USP45: variants seen among roughly 807,000 people sequenced by gnomAD.
USP45 encodes the protein ubiquitin specific peptidase 45, also known as ubiquitin carboxyl-terminal hydrolase 45.
USP45 carries 89 observed loss-of-function variants against 95.8 expected under a neutral mutation model. That is an observed-to-expected ratio of 0.93 (90% confidence interval 0.78 to 1.11). USP45 has a LOEUF of 1.11. Among genes scored for constraint, USP45 ranks in the 50% least tolerant of loss-of-function variants. The pLI, the probability that USP45 is intolerant of heterozygous loss-of-function variation, is 0.00. For missense variants in USP45, 898 were observed against 942.5 expected (o/e 0.95, Z 0.62); for synonymous variants, 281 against 316.2 (o/e 0.89, Z 1.18).
At chr6:99,438,683 T>C (rs183373693) in intron 16 of USP45, among the ~76,000 whole-genome samples, 1 of 152,288 alleles carries the variant, frequency 6.6e-6, no homozygotes, top group East Asian at 1.9e-4. Flanking sequence ...ATTGTGGTTA[T>C]GTTAAAAAGT....
chr6:99,447,197 G>T (rs1418888842), intron 13 of USP45, among the ~76,000 whole-genome samples: 1 of 152,102 alleles, frequency 6.6e-6, no homozygotes, highest in Non-Finnish European at 1.5e-5. Flanking sequence ...TGGGAAGGGG[G>T]GAATCAACTA....
At position 99,507,419 on chromosome 6, in the gene USP45, T is replaced by A; in HGVS notation, c.377+9A>T. The A allele has an allele frequency of 6.4e-7, 1 of 1,571,552 alleles. No homozygotes were observed. Among genetic ancestry groups the A allele is most frequent in the Non-Finnish European group, 8.7e-7 (1 of 1,154,524 alleles). ...TAGTGGACACAAGAACTAACAAAATTTAACTTACCATATAATCCATGTGCT... is the reference window on the plus strand; with the variant it reads ...TAGTGGACACAAGAACTAACAAAATATAACTTACCATATAATCCATGTGCT... On this transcript the variant is annotated intron_variant, in intron 4 of 17. Coordinates refer to ENST00000500704, the MANE Select transcript of USP45 (RefSeq NM_001346022.3).
At chr6:99,509,147 G>A (rs1394600042) in intron 2 of USP45, among the ~76,000 whole-genome samples, 2 of 152,178 alleles carry the variant, frequency 1.3e-5, no homozygotes, top group East Asian at 3.9e-4. Context: ...TTGCTGCACT[G>A]AAGGATGTCT....
intron 10 of USP45, 95 bp from the exon 11 acceptor site, chr6:99,466,858 T>A: frequency 1.2e-6 from 1 of 823,358 alleles, no homozygotes. Context: ...GTAATCTGAA[T>A]AAGATATTCT....
intron 14 of USP45, among the ~76,000 whole-genome samples, chr6:99,444,802 GGTGCTTCCCT>G (rs1782174857): frequency 6.6e-6 from 1 of 152,130 alleles, no homozygotes; most frequent in Non-Finnish European, 1.5e-5. Context: ...GACTGACGCT[GGTGCTTCCCT>G]GTGTGGTCCT....
Position 99,451,055 on chromosome 6 carries a change from A to T in USP45, c.1309-4592T>A, listed in dbSNP as rs896331609. ...TATCTCAAAATAATAAGAGCTATCTATGACAAACCCACAGCCAATATCATA... is the reference window on the plus strand; with the variant it reads ...TATCTCAAAATAATAAGAGCTATCTTTGACAAACCCACAGCCAATATCATA... On this transcript the variant is annotated intron_variant, in intron 13 of 17. Coordinates refer to ENST00000500704, the MANE Select transcript of USP45 (RefSeq NM_001346022.3). Among the ~76,000 whole-genome samples, 6 of 152,346 alleles carry T rather than the reference A, an allele frequency of 3.9e-5. No individual in the cohort carries two copies. The East Asian group carries it at 9.6e-4, about 24-fold the overall frequency.
intron 15 of USP45, among the ~76,000 whole-genome samples, chr6:99,440,368 C>A (rs9373160): frequency 0.62 from 94,824 of 152,034 alleles, 30,052 homozygotes; most frequent in East Asian, 0.89. Context: ...TATATTACAT[C>A]AATAAAATTG....
chr6:99,507,768 T>A (rs938860296), intron 3 of USP45, among the ~76,000 whole-genome samples: 1 of 152,226 alleles, frequency 6.6e-6, no homozygotes, highest in African/African-American at 2.4e-5. Flanking sequence ...AATTTCCCTA[T>A]CATTTAAAAA....
In USP45 at chr6:99,443,034, A is replaced by G. The variant is rs1781818982; in HGVS notation, c.2073+531T>C. 1.3e-5 allele frequency among the ~76,000 whole-genome samples: 2 copies of G among 152,186 alleles called. 1 individual carries two copies. The highest frequency in any genetic ancestry group is 2.9e-5 in the Non-Finnish European group (2 of 68,024). On this transcript the variant is annotated intron_variant, in intron 15 of 17. Coordinates refer to ENST00000500704, the MANE Select transcript of USP45 (RefSeq NM_001346022.3). ...GGAGTTCGAAACCAGCCTGGCCAACATGGTGAAATCCTATTTCTACTAAAA... is the reference window on the plus strand; with the variant it reads ...GGAGTTCGAAACCAGCCTGGCCAACGTGGTGAAATCCTATTTCTACTAAAA...
In USP45 at chr6:99,460,680, A is replaced by G. The variant is rs1786219101; in HGVS notation, c.1308+3924T>C. 6.9e-6 allele frequency: 4 copies of G among 579,026 alleles called. No individual in the cohort carries two copies. The South Asian group carries it at 3.1e-4, about 45-fold the overall frequency. The allele number at this position is 579,026 out of a possible 1,614,324, so 35.9% of individuals were successfully genotyped here. A position where few individuals can be genotyped will look rare whatever the true frequency, so the allele number is the denominator to read the frequency against. ...GTAACTACACAGTATTCTTTTGGTGACTGGTCTGATTGGTAAAATAATAGA... is the reference window on the plus strand; with the variant it reads ...GTAACTACACAGTATTCTTTTGGTGGCTGGTCTGATTGGTAAAATAATAGA... On this transcript the variant is annotated intron_variant, in intron 13 of 17. Coordinates refer to ENST00000500704, the MANE Select transcript of USP45 (RefSeq NM_001346022.3).
At chr6:99,501,977 T>A (rs1797469958) in intron 5 of USP45, 1 of 1,303,316 alleles carries the variant, frequency 7.7e-7, no homozygotes, top group Non-Finnish European at 1.0e-6. Flanking sequence ...AGACAGTTTA[T>A]GCTGAAGAGA....
intron 14 of USP45, among the ~76,000 whole-genome samples, chr6:99,444,278 G>A (rs942308884): frequency 2.0e-4 from 31 of 152,182 alleles, no homozygotes; most frequent in African/African-American, 7.0e-4. Flanking sequence ...GCCTCCCAAA[G>A]TGTTGGGATT....
chr6:99,438,310 G>A (rs1780885399), intron 16 of USP45, among the ~76,000 whole-genome samples: 1 of 152,000 alleles, frequency 6.6e-6, no homozygotes, highest in Admixed American at 6.6e-5. Context: ...TTTAAGAGGG[G>A]AGATGAAAAT....
At chr6:99,440,068 A>G (rs1781239804) in intron 15 of USP45, among the ~76,000 whole-genome samples, 1 of 152,242 alleles carries the variant, frequency 6.6e-6, no homozygotes, top group Admixed American at 6.5e-5. Context: ...GATTTTTACC[A>G]CAAACAATAG....
intron 8 of USP45, among the ~76,000 whole-genome samples, chr6:99,477,089 A>G (rs1791054466): frequency 6.6e-6 from 1 of 152,216 alleles, no homozygotes; most frequent in Non-Finnish European, 1.5e-5. Flanking sequence ...CAAAATACAA[A>G]ATAATTAGAA....
intron 5 of USP45, among the ~76,000 whole-genome samples, chr6:99,500,128 CT>C (rs539742251): frequency 0.013 from 1,906 of 152,182 alleles, 83 homozygotes; most frequent in Admixed American, 0.081. Flanking sequence ...CATCTACTGT[CT>C]TTTTTTCTTT....
In USP45 at chr6:99,503,217, T is replaced by C. The variant is rs539181293; in HGVS notation, c.478+548A>G. On this transcript the variant is annotated intron_variant, in intron 5 of 17. Transcript: ENST00000500704. Reference sequence around the variant, plus strand: ...GTGGGGAAGCCTAAATTCAAACTTATCAGGACTGACTTCAAAGCCCATGGT... The same window carrying C: ...GTGGGGAAGCCTAAATTCAAACTTACCAGGACTGACTTCAAAGCCCATGGT... Among the ~76,000 whole-genome samples, 5 of 152,266 alleles carry C rather than the reference T, an allele frequency of 3.3e-5. No individual in the cohort carries two copies. The East Asian group carries it at 5.8e-4, about 18-fold the overall frequency.
chr6:99,447,054 T>C (rs1782694213), intron 13 of USP45, among the ~76,000 whole-genome samples: 1 of 151,938 alleles, frequency 6.6e-6, no homozygotes, highest in Non-Finnish European at 1.5e-5. Context: ...TGTTCATTTT[T>C]AAACACTGAA....
chr6:99,469,486 ATT>A (rs60670572), intron 9 of USP45, among the ~76,000 whole-genome samples: 11,750 of 136,594 alleles, frequency 0.086, 537 homozygotes, highest in East Asian at 0.17. Context: ...ATATATATAT[ATT>A]TTTTTTTTTT....
Sources: allele counts gnomAD v4.1 joint callset (sites outside exome capture counted in the v4.1 genomes callset), GRCh38; gene constraint gnomAD v4.1.1; transcripts MANE v1.5; gene names NCBI Gene and HGNC (gene_info 2026-07-23, HGNC 2026-07-21).